Variants in MAGI1 observed in about 807,000 individuals in gnomAD.
The protein encoded by MAGI1 is membrane associated guanylate kinase, WW and PDZ domain containing 1, also known as membrane-associated guanylate kinase, WW and PDZ domain-containing protein 1.
Under a neutral mutation model 139.9 loss-of-function variants are expected in MAGI1, and 58 were observed. The observed-to-expected ratio is 0.41, with a 90% confidence interval of 0.34 to 0.52. The LOEUF is 0.52. MAGI1 is among the 20% of genes least tolerant of loss of function. The pLI, the probability that MAGI1 is intolerant of heterozygous loss-of-function variation, is 0.12. For synonymous variants in MAGI1, 812 were observed against 737.9 expected, an observed-to-expected ratio of 1.10 and a Z score of -1.63; for missense variants, 1,874 against 1,901.6, an observed-to-expected ratio of 0.99 and a Z score of 0.27.
At chr3:66,000,432 T>C (rs931458900) in intron 1 of MAGI1, among the ~76,000 whole-genome samples, 2 of 151,900 alleles carry the variant, frequency 1.3e-5, no homozygotes, top group African/African-American at 4.8e-5. Flanking sequence ...ATTTTCTTAT[T>C]GAAATAAACG....
Position 65,638,597 on chromosome 3 carries a change from A to ATTT in MAGI1, c.314-16512_314-16510dup, listed in dbSNP as rs1173086138. 2.6e-3 allele frequency among the ~76,000 whole-genome samples: 105 copies of ATTT among 41,008 alleles called. 12 individuals are homozygous for ATTT. The highest frequency in any genetic ancestry group is 5.5e-3 in the African/African-American group (65 of 11,756). 26.9% of individuals were successfully genotyped at this position (41,008 alleles called of 152,430 possible). Reference sequence around the variant, plus strand: ...AGGAGTGCGCCACCATGCTCTCCTGATTTTTTTTTTTTTTTTTTTTTTTTT... The same window carrying ATTT: ...AGGAGTGCGCCACCATGCTCTCCTGATTTTTTTTTTTTTTTTTTTTTTTTTTTT... On this transcript the variant is annotated intron_variant, in intron 1 of 22. Transcript: ENST00000402939.
intron 1 of MAGI1, among the ~76,000 whole-genome samples, chr3:65,810,620 C>G (rs1575578957): frequency 6.6e-6 from 1 of 152,206 alleles, no homozygotes; most frequent in Admixed American, 6.5e-5. Flanking sequence ...AAGGTTTCAT[C>G]TCTGTCAGGA....
intron 1 of MAGI1, among the ~76,000 whole-genome samples, chr3:65,943,887 G>A (rs980171916): frequency 1.3e-5 from 2 of 152,116 alleles, no homozygotes; most frequent in African/African-American, 4.8e-5. Context: ...TAGATATCCT[G>A]CAATTAAGAA....
intron 1 of MAGI1, among the ~76,000 whole-genome samples, chr3:65,786,497 A>C (rs2039392117): frequency 6.6e-6 from 1 of 151,792 alleles, no homozygotes; most frequent in Non-Finnish European, 1.5e-5. Context: ...TTGTAGAGAC[A>C]GGGTTTCCCC....
intron 1 of MAGI1, among the ~76,000 whole-genome samples, chr3:65,796,050 CAAAAAAAAAAA>C (rs35663778): frequency 9.7e-6 from 1 of 103,048 alleles, no homozygotes; most frequent in East Asian, 2.6e-4. Context: ...GACTCTGTCT[CAAAAAAAAAAA>C]AAAAAAAAAG....
chr3:65,516,814 G>T (rs893106719), intron 2 of MAGI1, among the ~76,000 whole-genome samples: 3 of 128,910 alleles, frequency 2.3e-5, no homozygotes, highest in African/African-American at 8.7e-5. Flanking sequence ...TGCAAGCTCC[G>T]CCTCCCGGGT....
chr3:66,015,982 T>C (rs2067616685), intron 1 of MAGI1, among the ~76,000 whole-genome samples: 1 of 152,238 alleles, frequency 6.6e-6, no homozygotes, highest in South Asian at 2.1e-4. Flanking sequence ...AGAATGTGTT[T>C]CTATCAAATA....
At chr3:65,476,552 C>T (rs1412632741) in intron 4 of MAGI1, among the ~76,000 whole-genome samples, 3 of 152,150 alleles carry the variant, frequency 2.0e-5, no homozygotes, top group Admixed American at 6.5e-5. Flanking sequence ...TCTAGACTTA[C>T]AGTAAACTAC....
intron 1 of MAGI1, among the ~76,000 whole-genome samples, chr3:65,911,522 T>C (rs1304845354): frequency 1.3e-5 from 2 of 152,074 alleles, no homozygotes; most frequent in African/African-American, 2.4e-5. Flanking sequence ...CTGCTTAGGG[T>C]GGATTCAGGG....
intron 14 of MAGI1, among the ~76,000 whole-genome samples, chr3:65,388,943 A>C (rs1421499676): frequency 7.2e-6 from 1 of 138,364 alleles, no homozygotes. Context: ...CCCAGGTTCC[A>C]GTGATGCCTC....
intron 1 of MAGI1, among the ~76,000 whole-genome samples, chr3:65,823,433 T>C (rs2042053961): frequency 6.6e-6 from 1 of 152,236 alleles, no homozygotes; most frequent in Non-Finnish European, 1.5e-5. Context: ...AGGAGCTCAA[T>C]AAATATTTGT....
intron 1 of MAGI1, among the ~76,000 whole-genome samples, chr3:65,672,870 T>A (rs2086947955): frequency 6.6e-6 from 1 of 152,228 alleles, no homozygotes; most frequent in African/African-American, 2.4e-5. Flanking sequence ...TTCAATTCTT[T>A]ATGAGTATAA....
At chr3:65,359,209 A>G (rs1247494096) in intron 22 of MAGI1, 1 of 1,601,494 alleles carries the variant, frequency 6.2e-7, no homozygotes, top group Non-Finnish European at 8.5e-7. Flanking sequence ...AAAGAGAGAA[A>G]GAGAAAAAGT....
intron 11 of MAGI1, 57 bp from the exon 12 acceptor site, chr3:65,430,197 G>C (rs547013161): frequency 6.4e-7 from 1 of 1,553,018 alleles, no homozygotes; most frequent in South Asian, 1.2e-5. Flanking sequence ...ATTGTCATCA[G>C]TATTATAATA....
chr3:65,998,908 A>G (rs574829275), intron 1 of MAGI1, among the ~76,000 whole-genome samples: 11 of 152,148 alleles, frequency 7.2e-5, no homozygotes, highest in Admixed American at 1.3e-4. Context: ...GAAGTAGTTT[A>G]ACAGTTCACT....
At chr3:65,926,226 A>G (rs183684406) in intron 1 of MAGI1, among the ~76,000 whole-genome samples, 100 of 152,340 alleles carry the variant, frequency 6.6e-4, no homozygotes, top group Middle Eastern at 6.8e-3. Flanking sequence ...CACCTACACT[A>G]AATAGAAGGT....
intron 1 of MAGI1, among the ~76,000 whole-genome samples, chr3:65,752,107 C>T (rs749867430): frequency 7.2e-5 from 11 of 152,088 alleles, no homozygotes; most frequent in Non-Finnish European, 1.5e-4. Context: ...CAAGGCCTGG[C>T]TAAATTTTTT....
At chr3:65,992,640 AT>A (rs1305024837) in intron 1 of MAGI1, among the ~76,000 whole-genome samples, 7 of 152,208 alleles carry the variant, frequency 4.6e-5, no homozygotes, top group African/African-American at 1.7e-4. Context: ...AAAATTCTGT[AT>A]TTAACAAGCT....
At chr3:65,385,660 CT>C (rs1943390253) in intron 14 of MAGI1, among the ~76,000 whole-genome samples, 1 of 152,174 alleles carries the variant, frequency 6.6e-6, no homozygotes, top group African/African-American at 2.4e-5. Context: ...TGAATCTGAT[CT>C]TTTTACTTGA....
Sources: gnomAD v4.1 joint callset for allele counts (sites outside exome capture counted in the v4.1 genomes callset) on GRCh38, gnomAD v4.1.1 for gene constraint, MANE v1.5 for transcripts, NCBI Gene and HGNC (gene_info 2026-07-23, HGNC 2026-07-21) for gene names.